SEC23A: variants seen among roughly 807,000 people sequenced by gnomAD.
SEC23A encodes the protein protein transport protein Sec23A.
Under a neutral mutation model 103.7 loss-of-function variants are expected in SEC23A, and 56 were observed. The observed-to-expected ratio is 0.54, with a 90% CI of 0.44 to 0.67. The LOEUF (loss-of-function observed/expected upper bound fraction) is 0.67, where lower values mean the gene tolerates loss of function less well. Among genes scored for constraint, SEC23A ranks in the 30% least tolerant of loss-of-function variants. The pLI is 0.00. For synonymous variants in SEC23A, 281 were observed against 293.0 expected, an observed-to-expected ratio of 0.96 and a Z score of 0.42; for missense variants, 784 against 936.4, an observed-to-expected ratio of 0.84 and a Z score of 2.12.
At chr14:39,053,739 T>C (rs1886147679) in intron 14 of SEC23A, among the ~76,000 whole-genome samples, 2 of 152,154 alleles carry the variant, frequency 1.3e-5, no homozygotes, top group South Asian at 4.1e-4. Flanking sequence ...TTCGACAGCT[T>C]AGCAAATAGA....
intron 16 of SEC23A, among the ~76,000 whole-genome samples, chr14:39,043,267 C>T (rs988513833): frequency 1.1e-4 from 17 of 152,248 alleles, no homozygotes; most frequent in African/African-American, 4.1e-4. Flanking sequence ...AGGCTCAGCA[C>T]TAAATTTGAA....
chr14:39,067,283 T>C lies in SEC23A; in HGVS notation c.1117A>G (p.Met373Val). The change falls in exon 10 of 20, where the codon ATG becomes GTG. Residue 373 changes from methionine to valine, a missense_variant. Met to Val is a conservative substitution (Grantham distance 21). This residue lies in a region of SEC23A where 683 missense variants were observed against 774.2 expected (regional missense o/e 0.88). Coordinates refer to ENST00000307712, the MANE Select transcript of SEC23A (RefSeq NM_006364.4). ...CPNLTGGYMV[M>V]GDSFNTSLFK... Reference sequence around the variant, plus strand: ...AAGGAAGTATTGAAAGAATCACCCATTACCATGTATCCTCTGCATGGAAAG... The same window carrying C: ...AAGGAAGTATTGAAAGAATCACCCACTACCATGTATCCTCTGCATGGAAAG... 1 of 1,613,524 alleles carries C rather than the reference T, an allele frequency of 6.2e-7. No individual in the cohort carries two copies. The highest frequency in any genetic ancestry group is 1.1e-5 in the South Asian group (1 of 91,078).
intron 10 of SEC23A, 93 bp downstream of exon 10, chr14:39,067,080 T>C: frequency 6.8e-7 from 1 of 1,468,762 alleles, no homozygotes; most frequent in Non-Finnish European, 9.5e-7. Flanking sequence ...TGAAAGTAAA[T>C]ATTAAATTTG....
chr14:39,064,295 C>G (rs1819185047), intron 11 of SEC23A, among the ~76,000 whole-genome samples: 1 of 152,176 alleles, frequency 6.6e-6, no homozygotes, highest in South Asian at 2.1e-4. Context: ...ATCCTCTCCA[C>G]AGCTACATGA....
At position 39,055,260 on chromosome 14, in the gene SEC23A, A is replaced by G; in HGVS notation, c.1542T>C (p.Ala514=). 6.2e-7 allele frequency: 1 copy of G among 1,614,210 alleles called. No individual in the cohort carries two copies. Among genetic ancestry groups the G allele is most frequent in the South Asian group, 1.1e-5 (1 of 91,078 alleles). Residue 514 remains alanine (A), a synonymous_variant, in exon 14 of 20, where the codon GCT becomes GCC. Transcript: ENST00000307712. Reference sequence around the variant, plus strand: ...CAGCTGCCTCCTGGTCAAAAGATGCAGCAATGTTTTGGATTTGAGTTTGAG... The same window carrying G: ...CAGCTGCCTCCTGGTCAAAAGATGCGGCAATGTTTTGGATTTGAGTTTGAG... ...ADAQTQIQNI[A]ASFDQEAAAI...
chr14:39,085,637 G>A, intron 7 of SEC23A, 125 bp downstream of exon 7: 5 of 1,130,118 alleles, frequency 4.4e-6, no homozygotes, highest in Non-Finnish European at 6.5e-6. Context: ...CTGAGTGAGA[G>A]AATAGGGAGG....
At chr14:39,049,955 A>T (rs1885998128) in intron 14 of SEC23A, among the ~76,000 whole-genome samples, 1 of 151,936 alleles carries the variant, frequency 6.6e-6, no homozygotes, top group Non-Finnish European at 1.5e-5. Flanking sequence ...TTTTTATTAG[A>T]GACGGGGTTT....
At chr14:39,066,019 A>AC (rs1594458845) in intron 10 of SEC23A, among the ~76,000 whole-genome samples, 1 of 133,236 alleles carries the variant, frequency 7.5e-6, no homozygotes, top group African/African-American at 2.8e-5. Context: ...AAAAAAAAAA[A>AC]AAAAAAAAAA....
At position 39,078,310 on chromosome 14, in the gene SEC23A, G is replaced by A. The variant is rs115552111; in HGVS notation, c.829-2217C>T. 6.4e-3 allele frequency among the ~76,000 whole-genome samples: 970 copies of A among 152,082 alleles called. 16 individuals carry two copies. The highest frequency in any genetic ancestry group is 0.022 in the African/African-American group (916 of 41,474). On this transcript the variant is annotated intron_variant, in intron 7 of 19. Coordinates refer to ENST00000307712, the MANE Select transcript of SEC23A (RefSeq NM_006364.4). ...AAGATAGGAAATAATGCAAGCAGTA[G>A]ATCAGAAATTTTGAGGAATTCAAAC...
chr14:39,099,783 T>C (rs954894044), intron 1 of SEC23A, among the ~76,000 whole-genome samples: 8 of 152,184 alleles, frequency 5.3e-5, no homozygotes, highest in African/African-American at 1.9e-4. Flanking sequence ...ATTTATTAAT[T>C]AATCCTTCAT....
chr14:39,060,126 T>C lies in SEC23A; in HGVS notation c.1505+1639A>G, dbSNP rs189328480. ...ACATGTGTGTGTGTGTGCACACACG[T>C]TGAGAGCCATAAATAAACTGAGAAG... On this transcript the variant is annotated intron_variant, in intron 13 of 19. Coordinates refer to ENST00000307712, the MANE Select transcript of SEC23A (RefSeq NM_006364.4). Among the ~76,000 whole-genome samples, 60 of 152,084 alleles carry C rather than the reference T, an allele frequency of 3.9e-4. 1 individual carries two copies. Among genetic ancestry groups the C allele is most frequent in the South Asian group, 1.0e-3 (5 of 4,820 alleles).
chr14:39,067,624 C>G (rs1237651101), intron 9 of SEC23A, among the ~76,000 whole-genome samples: 2 of 150,732 alleles, frequency 1.3e-5, no homozygotes, highest in African/African-American at 4.9e-5. Flanking sequence ...CAAATGTTCT[C>G]CATATTGGTA....
At position 39,092,582 on chromosome 14, in the gene SEC23A, C is replaced by T; in HGVS notation, c.325G>A (p.Glu109Lys). ...AGISELNQPA[E>K]LLPQFSSIEY... ...ATGCTAGAAAACTGAGGTAAAAGTT[C>T]AGCAGGCTGATTCAGTTCAGATATA... The change falls in exon 4 of 20, where the codon GAA becomes AAA. Residue 109 changes from glutamate to lysine, a missense_variant. Transcript: ENST00000307712. 6.2e-7 allele frequency: 1 copy of T among 1,611,980 alleles called. No homozygotes were observed. The highest frequency in any genetic ancestry group is 8.5e-7 in the Non-Finnish European group (1 of 1,178,718).
intron 13 of SEC23A, among the ~76,000 whole-genome samples, chr14:39,059,167 T>A (rs1886363123): frequency 6.6e-6 from 1 of 151,574 alleles, no homozygotes; most frequent in Non-Finnish European, 1.5e-5. Context: ...TCAAAGTCAT[T>A]TTGTACATGA....
intron 9 of SEC23A, among the ~76,000 whole-genome samples, chr14:39,072,769 G>A (rs1886882120): frequency 6.6e-6 from 1 of 152,080 alleles, no homozygotes. Context: ...AGCTATGACT[G>A]CACCCCGCAC....
intron 15 of SEC23A, 106 bp downstream of exon 15, chr14:39,048,546 G>T (rs2139199497): frequency 1.4e-6 from 1 of 734,034 alleles, no homozygotes; most frequent in Non-Finnish European, 2.4e-6. Context: ...GTTACAGTGA[G>T]CTATGATGGA....
intron 2 of SEC23A, chr14:39,094,911 T>C (rs1887833800): frequency 1.5e-6 from 1 of 668,718 alleles, no homozygotes; most frequent in East Asian, 2.7e-5. Context: ...TAGATCTTGA[T>C]AAGGAGTTTG....
chr14:39,058,626 T>A (rs947105946), intron 13 of SEC23A, among the ~76,000 whole-genome samples: 3 of 152,206 alleles, frequency 2.0e-5, no homozygotes, highest in Non-Finnish European at 2.9e-5. Context: ...TATTTTTAAT[T>A]TTCTTTCAAT....
intron 1 of SEC23A, among the ~76,000 whole-genome samples, chr14:39,102,431 G>A (rs1888136195): frequency 6.6e-6 from 1 of 152,194 alleles, no homozygotes. Flanking sequence ...CCCCACTTCA[G>A]TGATTGATGT....
Sources: allele counts gnomAD v4.1 joint callset (sites outside exome capture counted in the v4.1 genomes callset), GRCh38; gene constraint gnomAD v4.1.1; regional missense constraint gnomAD v4.1.1; transcripts MANE v1.5; gene names NCBI Gene and HGNC (gene_info 2026-07-23, HGNC 2026-07-21).